Variants in COL24A1 observed in about 807,000 individuals in gnomAD.
The protein encoded by COL24A1 is collagen type XXIV alpha 1 chain.
A neutral mutation model predicts 253.9 loss-of-function variants in COL24A1; 224 were observed. The ratio of observed to expected loss-of-function variants is 0.88; its 90% CI spans 0.79 to 0.99. The LOEUF is 0.99. Among genes scored for constraint, COL24A1 ranks in the 50% least tolerant of loss-of-function variants. COL24A1 has a pLI of 0.00. For missense variants in COL24A1, 2,131 were observed against 2,068.5 expected (o/e 1.03, Z -0.59); for synonymous variants, 685 against 673.7 (o/e 1.02, Z -0.26).
At chr1:85,947,764 T>C (rs1253444229) in intron 24 of COL24A1, among the ~76,000 whole-genome samples, 7 of 152,294 alleles carry the variant, frequency 4.6e-5, no homozygotes, top group African/African-American at 9.6e-5. Flanking sequence ...CTATTTGTAA[T>C]TTTTTTCTCA....
At chr1:85,777,491 A>C (rs539348556) in intron 52 of COL24A1, among the ~76,000 whole-genome samples, 1 of 152,308 alleles carries the variant, frequency 6.6e-6, no homozygotes, top group East Asian at 1.9e-4. Context: ...CAAACTAGAT[A>C]TAATAAATTC....
At chr1:86,078,820 G>A (rs1391794735) in intron 7 of COL24A1, among the ~76,000 whole-genome samples, 4 of 152,014 alleles carry the variant, frequency 2.6e-5, no homozygotes. Context: ...CCAAAAAATG[G>A]AAAGGTATTC....
chr1:85,895,949 G>C, intron 30 of COL24A1, 47 bp from the exon 31 acceptor site: 1 of 1,601,434 alleles, frequency 6.2e-7, no homozygotes. Flanking sequence ...CCTCCAAAAA[G>C]ATTAATCATA....
intron 58 of COL24A1, chr1:85,736,556 A>G: frequency 2.2e-6 from 1 of 451,592 alleles, no homozygotes; most frequent in South Asian, 1.6e-5. Context: ...ATAATGGTGA[A>G]TGCCTATTAA....
chr1:85,940,647 C>T (rs1195665210), intron 24 of COL24A1, among the ~76,000 whole-genome samples: 2 of 152,124 alleles, frequency 1.3e-5, no homozygotes, highest in Non-Finnish European at 2.9e-5. Flanking sequence ...CATTTGGATA[C>T]ATAAAGTTTT....
In COL24A1 at chr1:85,851,014, T is replaced by C. The variant is rs1677708109; in HGVS notation, c.3301-1608A>G. On this transcript the variant is annotated intron_variant, in intron 37 of 59. Transcript: ENST00000370571. Reference sequence around the variant, plus strand: ...GTGTGTGTGTGTGTATATATATATATATATATCTACATATATATATACATA... The same window carrying C: ...GTGTGTGTGTGTGTATATATATATACATATATCTACATATATATATACATA... Among the ~76,000 whole-genome samples the C allele has an allele frequency of 2.3e-5, 3 of 130,358 alleles. No homozygotes were observed. In the South Asian group the frequency reaches 8.8e-4, roughly 38 times the overall value. 85.5% of individuals were successfully genotyped at this position (130,358 alleles called of 152,430 possible). A position where few individuals can be genotyped will look rare whatever the true frequency, so the allele number is the denominator to read the frequency against.
At chr1:85,964,252 T>C (rs1451754350) in intron 23 of COL24A1, among the ~76,000 whole-genome samples, 1 of 152,160 alleles carries the variant, frequency 6.6e-6, no homozygotes, top group African/African-American at 2.4e-5. Context: ...CTGTATGTAA[T>C]AAACCATTGC....
intron 43 of COL24A1, among the ~76,000 whole-genome samples, chr1:85,824,817 G>C (rs1245855333): frequency 6.6e-6 from 1 of 151,998 alleles, no homozygotes; most frequent in Non-Finnish European, 1.5e-5. Context: ...ATACGTTACA[G>C]AAAGAATGCC....
rs771580559 is a variant in COL24A1, at chr1:86,126,113, C to A, written c.223G>T (p.Val75Phe). The stretch of plus-strand genomic sequence containing the variant: ...ATGACTCCTGATTCTGTTAAATGGA[C>A]CCCCTGAGGTAACGGTGTAGATGCT... ...PSASTPLPQG[V>F]HLTESGVIFK... is the part of the protein sequence containing the mutation. Residue 75 changes from valine to phenylalanine, a missense_variant, in exon 3 of 60, where the codon GTC (valine) becomes TTC (phenylalanine). Val to Phe is a conservative substitution (Grantham distance 50). Transcript: ENST00000370571. The A allele has an allele frequency of 3.7e-6, 6 of 1,612,756 alleles. No homozygotes were observed. In the East Asian group the frequency reaches 8.9e-5, roughly 24 times the overall value.
chr1:86,069,706 G>A (rs1379293927), intron 7 of COL24A1, among the ~76,000 whole-genome samples: 1 of 152,142 alleles, frequency 6.6e-6, no homozygotes, highest in Admixed American at 6.5e-5. Flanking sequence ...GAAATTAAGA[G>A]AAAAGAACAA....
intron 14 of COL24A1, among the ~76,000 whole-genome samples, chr1:86,027,998 G>A (rs773085511): frequency 2.0e-5 from 3 of 152,176 alleles, no homozygotes; most frequent in Non-Finnish European, 4.4e-5. Context: ...TTTAATGACT[G>A]CCCTACTTGA....
intron 37 of COL24A1, among the ~76,000 whole-genome samples, chr1:85,855,885 T>C (rs188584703): frequency 1.3e-5 from 2 of 152,302 alleles, no homozygotes; most frequent in Admixed American, 6.5e-5. Flanking sequence ...ATTATTGGTC[T>C]GCTCAGGGTT....
intron 10 of COL24A1, among the ~76,000 whole-genome samples, chr1:86,055,378 C>T (rs1416233208): frequency 6.6e-6 from 1 of 152,106 alleles, no homozygotes; most frequent in African/African-American, 2.4e-5. Context: ...TGAAACCTAA[C>T]TAAAGTGTGA....
chr1:85,925,642 C>A (rs1656345541), intron 24 of COL24A1, among the ~76,000 whole-genome samples: 1 of 152,142 alleles, frequency 6.6e-6, no homozygotes, highest in Non-Finnish European at 1.5e-5. Flanking sequence ...GAAACTGGAT[C>A]CCTTCCTTAC....
chr1:85,897,271 T>C (rs561796577), intron 28 of COL24A1, among the ~76,000 whole-genome samples: 1 of 150,854 alleles, frequency 6.6e-6, no homozygotes, highest in Non-Finnish European at 1.5e-5. Context: ...GGGGAGGGAG[T>C]GTATCAGGAA....
intron 37 of COL24A1, among the ~76,000 whole-genome samples, chr1:85,850,912 T>C (rs544130031): frequency 6.0e-4 from 91 of 151,984 alleles, no homozygotes; most frequent in African/African-American, 2.0e-3. Context: ...CATGTAAAGA[T>C]GTTAAAAGGT....
chr1:85,927,274 G>A (rs1052246265), intron 24 of COL24A1, among the ~76,000 whole-genome samples: 21 of 152,332 alleles, frequency 1.4e-4, no homozygotes, highest in African/African-American at 3.8e-4. Flanking sequence ...CCTGGGAAGC[G>A]CAAGGAGTCA....
In COL24A1 at chr1:85,829,322, G is replaced by T. The variant is rs12131466; in HGVS notation, c.3682-5584C>A. ...TAGTCTGATGGGCTTTCCTTTGTGG[G>T]TAACCCGACCTTTCTCTCTGGCTGC... On this transcript the variant is annotated intron_variant, in intron 43 of 59. Transcript: ENST00000370571. 1.5e-4 allele frequency among the ~76,000 whole-genome samples: 23 copies of T among 151,166 alleles called. No individual in the cohort carries two copies. In the East Asian group the frequency reaches 3.7e-3, roughly 24 times the overall value.
At chr1:85,934,991 G>A (rs1276778150) in intron 24 of COL24A1, among the ~76,000 whole-genome samples, 8 of 151,606 alleles carry the variant, frequency 5.3e-5, no homozygotes, top group Admixed American at 5.3e-4. Flanking sequence ...AATATGCTGT[G>A]TTTCAAGATC....
Sources: allele counts gnomAD v4.1 joint callset (sites outside exome capture counted in the v4.1 genomes callset), GRCh38; gene constraint gnomAD v4.1.1; transcripts MANE v1.5; gene names NCBI Gene and HGNC (gene_info 2026-07-23, HGNC 2026-07-21).